Variants in CREBZF observed in about 807,000 individuals in gnomAD.
The protein encoded by CREBZF is CREB/ATF bZIP transcription factor.
Under a neutral mutation model 21.1 loss-of-function variants are expected in CREBZF, and 8 were observed. The observed-to-expected ratio is 0.38, with a 90% confidence interval of 0.22 to 0.68. The LOEUF is 0.68. Among genes scored for constraint, CREBZF ranks in the 30% least tolerant of loss-of-function variants. The pLI is 0.51. For synonymous variants in CREBZF, 270 were observed against 223.3 expected (o/e 1.21, Z -1.86); for missense variants, 518 against 484.3 (o/e 1.07, Z -0.65).
Position 85,661,038 on chromosome 11 carries a change from C to T in CREBZF, c.*2773G>A, listed in dbSNP as rs1166410744. ...ATCCATGTGCTAATCATCCAGAACA[C>T]AATTTTCTAAAAATAGTAAGACAAC... is the stretch of plus-strand genomic sequence containing the variant. On this transcript the variant is annotated 3_prime_UTR_variant, in exon 1 of 1. Coordinates refer to ENST00000527447, the MANE Select transcript of CREBZF (RefSeq NM_001039618.4). 3 of 153,124 alleles carry T rather than the reference C, an allele frequency of 2.0e-5. No homozygotes were observed. Among genetic ancestry groups the T allele is most frequent in the African/African-American group, 7.2e-5 (3 of 41,418 alleles). The allele number at this position is 153,124 out of a possible 1,614,324, so 9.5% of individuals were successfully genotyped here.
In CREBZF at chr11:85,663,759, G is replaced by GTGTAAGGGAGT; in HGVS notation, c.*41_*51dup. ...GTCCCACTAAGGTAAGTTTGACATG[G>GTGTAAGGGAGT]TGTAAGGGAGTTGAAAGGGGTAAAC... On this transcript the variant is annotated 3_prime_UTR_variant, in exon 1 of 1. Coordinates refer to ENST00000527447, the MANE Select transcript of CREBZF (RefSeq NM_001039618.4). 6.3e-7 allele frequency: 1 copy of GTGTAAGGGAGT among 1,584,600 alleles called. No homozygotes were observed. The highest frequency in any genetic ancestry group is 1.3e-5 in the African/African-American group (1 of 74,470).
chr11:85,681,610 T>C (rs2082976782), intron 1 of CREBZF, among the ~76,000 whole-genome samples: 1 of 152,344 alleles, frequency 6.6e-6, no homozygotes, highest in Non-Finnish European at 1.5e-5. Context: ...GCACTACTCA[T>C]ACATTATTTG....
intron 1 of CREBZF, among the ~76,000 whole-genome samples, chr11:85,679,099 A>C (rs1048504881): frequency 6.6e-6 from 1 of 152,248 alleles, no homozygotes; most frequent in African/African-American, 2.4e-5. Context: ...TGAATGGTAC[A>C]GCTGTTGGAA....
At chr11:85,677,196 C>G (rs1173538774) in intron 1 of CREBZF, among the ~76,000 whole-genome samples, 2 of 152,034 alleles carry the variant, frequency 1.3e-5, no homozygotes, top group Non-Finnish European at 2.9e-5. Flanking sequence ...AACTCCTGAC[C>G]TCAGGTGATC....
intron 1 of CREBZF, among the ~76,000 whole-genome samples, chr11:85,676,044 A>G (rs2082940208): frequency 6.6e-6 from 1 of 152,242 alleles, no homozygotes; most frequent in South Asian, 2.1e-4. Flanking sequence ...GAATTATACT[A>G]TTGTGGACTA....
chr11:85,658,475 C>G lies in CREBZF; in HGVS notation c.*5336G>C, dbSNP rs571858922. ...TGTTAAGTCTGTTGCTACAAATTTA[C>G]TTTGCCAAAATTTTTGTTCAGAGGG... On this transcript the variant is annotated 3_prime_UTR_variant, in exon 1 of 1. Transcript: ENST00000527447. 9.2e-5 allele frequency among the ~76,000 whole-genome samples: 14 copies of G among 152,122 alleles called. No individual in the cohort carries two copies. The highest frequency in any genetic ancestry group is 3.4e-4 in the African/African-American group (14 of 41,552).
In CREBZF at chr11:85,664,040, C is replaced by T. The variant is rs766575388; in HGVS notation, c.836G>A (p.Arg279His). ...CACGCCGCTCAGCCGGCTCAGCAAG[C>T]GAGCCAGTCCAGTCTCGTTGGCTAA... ...AVLANETGLA[R>H]LLSRLSGVGL... Residue 279 changes from arginine (R) to histidine (H), a missense_variant, in exon 1 of 1, where the codon CGC becomes CAC. Physicochemically the swap from Arg to His is conservative, Grantham distance 29. Transcript: ENST00000527447. This position sits in a 1 kb window ranked among gnomAD's most constrained non-coding sequence, Gnocchi z 5.5. The T allele has an allele frequency of 6.2e-7, 1 of 1,612,366 alleles. No individual in the cohort carries two copies. Among genetic ancestry groups the T allele is most frequent in the South Asian group, 1.1e-5 (1 of 91,074 alleles).
intron 1 of CREBZF, among the ~76,000 whole-genome samples, chr11:85,681,682 TTCAGCAGGGATATAGG>T (rs2082977087): frequency 6.6e-6 from 1 of 152,220 alleles, no homozygotes; most frequent in African/African-American, 2.4e-5. Flanking sequence ...TGCAGAAAAA[TTCAGCAGGGATATAGG>T]TCTGCTTTAG....
chr11:85,660,737 G>A lies in CREBZF; in HGVS notation c.*3074C>T. 6 of 347,194 alleles carry A rather than the reference G, an allele frequency of 1.7e-5. No homozygotes were observed. Among genetic ancestry groups the A allele is most frequent in the East Asian group, 9.0e-5 (1 of 11,066 alleles). The allele number at this position is 347,194 out of a possible 1,614,324, so 21.5% of individuals were successfully genotyped here. On this transcript the variant is annotated 3_prime_UTR_variant, in exon 1 of 1. Coordinates refer to ENST00000527447, the MANE Select transcript of CREBZF (RefSeq NM_001039618.4). ...AAAGTGGACTTTTTAAGATAAGTCT[G>A]GTCAAAGAAGTGCAGAAACAGTAAG... is the stretch of plus-strand genomic sequence containing the variant.
rs1422368391 is a variant in CREBZF, at chr11:85,676,970, C to CTTTTTTTTTTT, written n.147+5736_147+5746dup. Among the ~76,000 whole-genome samples the CTTTTTTTTTTT allele has an allele frequency of 1.5e-4, 18 of 118,636 alleles. 1 individual carries two copies. Among genetic ancestry groups the CTTTTTTTTTTT allele is most frequent in the African/African-American group, 4.3e-4 (13 of 30,250 alleles). 77.8% of individuals were successfully genotyped at this position (118,636 alleles called of 152,430 possible). A position where few individuals can be genotyped will look rare whatever the true frequency, so the allele number is the denominator to read the frequency against. ...TAAAGTAATTTTTTTCTTTTTCTGTCTTTTTTTTTTTGAGACAGAATGTCA... is the reference window on the plus strand; with the variant it reads ...TAAAGTAATTTTTTTCTTTTTCTGTCTTTTTTTTTTTTTTTTTTTTTTGAGACAGAATGTCA... On this transcript the variant is annotated intron_variant and non_coding_transcript_variant, in intron 1 of 3. Coordinates refer to the CREBZF transcript ENST00000531515.
intron 1 of CREBZF, among the ~76,000 whole-genome samples, chr11:85,680,241 A>T (rs2082968082): frequency 6.6e-6 from 1 of 152,226 alleles, no homozygotes; most frequent in Non-Finnish European, 1.5e-5. Flanking sequence ...ATATCAATAC[A>T]TTAACAGCTT....
rs781405197 is a variant in CREBZF at position 85,664,721 on chromosome 11, C to T, written c.155G>A (p.Gly52Asp). ...EEETAAAGSP[G>D]RKQQFGDEGE... ...TTCGTCGCCAAACTGCTGCTTGCGGCCGGGAGATCCGGCCGCCGCCGTCTC... is the reference window on the plus strand; with the variant it reads ...TTCGTCGCCAAACTGCTGCTTGCGGTCGGGAGATCCGGCCGCCGCCGTCTC... The change falls in exon 1 of 1, where the codon GGC becomes GAC. Residue 52 changes from glycine (G) to aspartate (D), a missense_variant. This residue lies in a region of CREBZF where 396 missense variants were observed against 324.4 expected (regional missense o/e 1.22). Coordinates refer to ENST00000527447, the MANE Select transcript of CREBZF (RefSeq NM_001039618.4). The surrounding 1 kb of genome is among the most constrained non-coding windows in gnomAD (Gnocchi z 5.5). 2.5e-6 allele frequency: 4 copies of T among 1,604,214 alleles called. No individual in the cohort carries two copies. The highest frequency in any genetic ancestry group is 2.2e-5 in the South Asian group (2 of 90,416).
chr11:85,676,371 A>G (rs997075143), intron 1 of CREBZF, among the ~76,000 whole-genome samples: 5 of 152,190 alleles, frequency 3.3e-5, no homozygotes, highest in African/African-American at 1.2e-4. Context: ...GCCAATTCCA[A>G]ATCATTCCTT....
upstream of CREBZF, among the ~76,000 whole-genome samples, chr11:85,668,829 C>T (rs1395312381): frequency 6.7e-6 from 1 of 150,126 alleles, no homozygotes; most frequent in Non-Finnish European, 1.5e-5. Context: ...GGTGAAACCC[C>T]GTCTCTACTA....
upstream of CREBZF, among the ~76,000 whole-genome samples, chr11:85,669,001 C>CAAAA (rs61718728): frequency 4.1e-3 from 136 of 33,210 alleles, 33 homozygotes; most frequent in African/African-American, 4.8e-3. Context: ...GACTCCGTCT[C>CAAAA]AAAAAAAAAA....
rs1219251941 is a variant in CREBZF at position 85,663,422 on chromosome 11, A to AG, written c.*388dup. ...AGATTTCCCTCCCACCTTCCAAAAC[A>AG]GAAAAAAAAAAAAAAATCACACACA... is the stretch of plus-strand genomic sequence containing the variant. On this transcript the variant is annotated 3_prime_UTR_variant, in exon 1 of 1. Transcript: ENST00000527447. 2.9e-6 allele frequency: 2 copies of AG among 683,202 alleles called. No individual in the cohort carries two copies. Among genetic ancestry groups the AG allele is most frequent in the East Asian group, 2.7e-5 (1 of 36,982 alleles). 42.3% of individuals were successfully genotyped at this position (683,202 alleles called of 1,614,324 possible). A position where few individuals can be genotyped will look rare whatever the true frequency, so the allele number is the denominator to read the frequency against.
chr11:85,669,001 C>CAAAAAAAAAAAAAAAAAAAAAAAAAA (rs61718728), upstream of CREBZF, among the ~76,000 whole-genome samples: 3 of 33,218 alleles, frequency 9.0e-5, 1 homozygote, highest in Non-Finnish European at 2.2e-4. Flanking sequence ...GACTCCGTCT[C>CAAAAAAAAAAAAAAAAAAAAAAAAAA]AAAAAAAAAA....
chr11:85,680,372 A>T (rs1238344069), intron 1 of CREBZF, among the ~76,000 whole-genome samples: 1 of 152,230 alleles, frequency 6.6e-6, no homozygotes, highest in African/African-American at 2.4e-5. Flanking sequence ...TTGCTGTAAC[A>T]ATGATGTAAT....
At position 85,663,423 on chromosome 11, in the gene CREBZF, G is replaced by GAAAA; in HGVS notation, c.*384_*387dup. The GAAAA allele has an allele frequency of 3.4e-6, 2 of 588,356 alleles. No homozygotes were observed. Among genetic ancestry groups the GAAAA allele is most frequent in the African/African-American group, 2.2e-5 (1 of 44,500 alleles). The allele number at this position is 588,356 out of a possible 1,614,324, so 36.4% of individuals were successfully genotyped here. A position where few individuals can be genotyped will look rare whatever the true frequency, so the allele number is the denominator to read the frequency against. Reference sequence around the variant, plus strand: ...GATTTCCCTCCCACCTTCCAAAACAGAAAAAAAAAAAAAAATCACACACAC... The same window carrying GAAAA: ...GATTTCCCTCCCACCTTCCAAAACAGAAAAAAAAAAAAAAAAAAATCACACACAC... On this transcript the variant is annotated 3_prime_UTR_variant, in exon 1 of 1. Coordinates refer to ENST00000527447, the MANE Select transcript of CREBZF (RefSeq NM_001039618.4).
Sources: allele counts gnomAD v4.1 joint callset (sites outside exome capture counted in the v4.1 genomes callset), GRCh38; gene constraint gnomAD v4.1.1; regional missense constraint gnomAD v4.1.1; non-coding constraint Gnocchi (gnomAD v3.1); transcripts MANE v1.5; gene names NCBI Gene and HGNC (gene_info 2026-07-23, HGNC 2026-07-21).